The following SGIP1 variants were observed in gnomAD, a reference collection of about 807,000 sequenced individuals.
SGIP1 encodes the protein SH3GL interacting endocytic adaptor 1.
Under a neutral mutation model 107.5 loss-of-function variants are expected in SGIP1, and 38 were observed. The observed-to-expected ratio is 0.35, with a 90% CI of 0.27 to 0.46. The LOEUF is 0.46. Among genes scored for constraint, SGIP1 ranks in the 20% least tolerant of loss-of-function variants. The probability of loss-of-function intolerance (pLI) is 1.00; values close to 1 mark genes in which losing one functional copy is unlikely to be tolerated. For synonymous variants in SGIP1, 365 were observed against 366.1 expected (o/e 1.00, Z 0.03); for missense variants, 929 against 1,019.5 (o/e 0.91, Z 1.21).
chr1:66,694,216 CT>C (rs5774832), intron 17 of SGIP1, among the ~76,000 whole-genome samples: 140,626 of 147,420 alleles, frequency 0.95, 67,090 homozygotes, highest in East Asian at 1. Flanking sequence ...TAAACCCTGG[CT>C]TTTTTTTTTT....
intron 1 of SGIP1, among the ~76,000 whole-genome samples, chr1:66,596,158 C>T (rs761819464): frequency 1.3e-5 from 2 of 152,166 alleles, no homozygotes; most frequent in Non-Finnish European, 2.9e-5. Context: ...AGGCAGCTGG[C>T]GTGCCCCAGC....
chr1:66,677,685 G>C (rs10889643), intron 13 of SGIP1, among the ~76,000 whole-genome samples: 105,820 of 152,202 alleles, frequency 0.7, 38,557 homozygotes, highest in East Asian at 1. Context: ...CCAGATAGCC[G>C]TTCACCGGTG....
intron 1 of SGIP1, among the ~76,000 whole-genome samples, chr1:66,597,037 A>C (rs1382474078): frequency 6.6e-5 from 10 of 152,224 alleles, no homozygotes; most frequent in Non-Finnish European, 1.5e-5. Context: ...CAATATTATA[A>C]CAGAAAACTG....
In SGIP1 at chr1:66,740,573, T is replaced by C. The variant is rs75082396; in HGVS notation, c.2235-85T>C. ...AGTTTTCAAGCTCTATTTTAAAAAA[T>C]TAATACTATCTGGAAAAAAAACATG... On this transcript the variant is annotated intron_variant, in intron 22 of 24. Coordinates refer to ENST00000371037, the MANE Select transcript of SGIP1 (RefSeq NM_032291.4). 1,434 of 822,688 alleles carry C rather than the reference T, an allele frequency of 1.7e-3. 11 individuals are homozygous for C. The African/African-American group carries it at 0.023, about 13-fold the overall frequency. 51.0% of individuals were successfully genotyped at this position (822,688 alleles called of 1,614,324 possible). A position where few individuals can be genotyped will look rare whatever the true frequency, so the allele number is the denominator to read the frequency against.
chr1:66,693,310 G>A (rs2090267478), intron 17 of SGIP1, among the ~76,000 whole-genome samples: 1 of 135,898 alleles, frequency 7.4e-6, no homozygotes, highest in African/African-American at 2.8e-5. Flanking sequence ...TTTTGCACTA[G>A]TAAAAGCTCA....
chr1:66,683,682 TG>T, intron 15 of SGIP1, among the ~76,000 whole-genome samples: 1 of 149,508 alleles, frequency 6.7e-6, no homozygotes, highest in Admixed American at 6.7e-5. Flanking sequence ...GGCACCACAC[TG>T]TTTGTTTGTT....
intron 12 of SGIP1, among the ~76,000 whole-genome samples, chr1:66,673,892 G>T (rs949682118): frequency 1.3e-5 from 2 of 152,270 alleles, no homozygotes; most frequent in African/African-American, 4.8e-5. Context: ...ATAAGGCCAG[G>T]TGTGGTGGTT....
Position 66,750,373 on chromosome 1 carries a change from G to A in SGIP1, c.*7278G>A, listed in dbSNP as rs930963971. On this transcript the variant is annotated 3_prime_UTR_variant, in exon 25 of 25. Coordinates refer to ENST00000371037, the MANE Select transcript of SGIP1 (RefSeq NM_032291.4). Reference sequence around the variant, plus strand: ...TTGATTTTTTTTAAACTTGAACAATGCAAGAATCTAGGAATCTCAGAAAGA... The same window carrying A: ...TTGATTTTTTTTAAACTTGAACAATACAAGAATCTAGGAATCTCAGAAAGA... Among the ~76,000 whole-genome samples, 1 of 152,068 alleles carries A rather than the reference G, an allele frequency of 6.6e-6. No individual in the cohort carries two copies. The highest frequency in any genetic ancestry group is 6.6e-5 in the Admixed American group (1 of 15,264).
intron 1 of SGIP1, among the ~76,000 whole-genome samples, chr1:66,562,320 A>G (rs2059068271): frequency 6.6e-6 from 1 of 151,986 alleles, no homozygotes; most frequent in Admixed American, 6.6e-5. Flanking sequence ...GAAATTTTAA[A>G]AGAAGAATAT....
At chr1:66,682,500 C>A in intron 15 of SGIP1, 131 bp downstream of exon 15, 1 of 1,116,594 alleles carries the variant, frequency 9.0e-7, no homozygotes, top group Non-Finnish European at 1.3e-6. Flanking sequence ...TCTGGGTGTC[C>A]TGTGGCCCCA....
At chr1:66,594,850 A>G (rs1367293104) in intron 1 of SGIP1, among the ~76,000 whole-genome samples, 4 of 152,156 alleles carry the variant, frequency 2.6e-5, no homozygotes, top group African/African-American at 7.2e-5. Flanking sequence ...TTAATGAGGT[A>G]ATGTATAGAA....
chr1:66,677,226 T>A (rs2085594180), intron 13 of SGIP1, 130 bp downstream of exon 13: 1 of 686,866 alleles, frequency 1.5e-6, no homozygotes, highest in Non-Finnish European at 2.4e-6. Flanking sequence ...TAAGAAGAGA[T>A]GTTATTCTAA....
At chr1:66,552,869 A>G (rs2057625640) in intron 1 of SGIP1, among the ~76,000 whole-genome samples, 1 of 152,104 alleles carries the variant, frequency 6.6e-6, no homozygotes, top group Non-Finnish European at 1.5e-5. Flanking sequence ...GACTTCAACC[A>G]CTATAAGGAA....
At chr1:66,705,233 T>C (rs575628537) in intron 18 of SGIP1, among the ~76,000 whole-genome samples, 2 of 152,336 alleles carry the variant, frequency 1.3e-5, no homozygotes, top group South Asian at 2.1e-4. Context: ...CAAGTAAATA[T>C]GGCCTTGGGG....
chr1:66,674,015 A>T (rs61665649), intron 12 of SGIP1, among the ~76,000 whole-genome samples: 1,852 of 152,108 alleles, frequency 0.012, 36 homozygotes, highest in African/African-American at 0.041. Flanking sequence ...AAAAATTTTT[A>T]AAATTAGCCG....
At chr1:66,596,805 T>C (rs2064805999) in intron 1 of SGIP1, among the ~76,000 whole-genome samples, 1 of 152,006 alleles carries the variant, frequency 6.6e-6, no homozygotes, top group Non-Finnish European at 1.5e-5. Flanking sequence ...TACAATTATC[T>C]CAAAATATTT....
chr1:66,541,540 A>G (rs1189254143), intron 1 of SGIP1, among the ~76,000 whole-genome samples: 1 of 152,264 alleles, frequency 6.6e-6, no homozygotes, highest in East Asian at 1.9e-4. Flanking sequence ...CACAGAAAAG[A>G]TGTAAATGCC....
intron 9 of SGIP1, among the ~76,000 whole-genome samples, chr1:66,669,859 G>A (rs1249949245): frequency 2.0e-5 from 3 of 152,104 alleles, no homozygotes; most frequent in Middle Eastern, 3.2e-3. Flanking sequence ...TGCTTATATA[G>A]CCTTAGGAAC....
intron 18 of SGIP1, among the ~76,000 whole-genome samples, chr1:66,703,680 A>G (rs2150253713): frequency 6.6e-6 from 1 of 151,280 alleles, no homozygotes; most frequent in East Asian, 1.9e-4. Flanking sequence ...ATTGTATATC[A>G]GCTATATCAC....
Sources: gnomAD v4.1 joint callset for allele counts (sites outside exome capture counted in the v4.1 genomes callset) on GRCh38, gnomAD v4.1.1 for gene constraint, MANE v1.5 for transcripts, NCBI Gene and HGNC (gene_info 2026-07-23, HGNC 2026-07-21) for gene names.